The following BMPR1A variants were observed in gnomAD, a reference collection of about 807,000 sequenced individuals.
BMPR1A encodes the protein bone morphogenetic protein receptor type 1A.
BMPR1A carries 7 observed loss-of-function variants against 66.0 expected under a neutral mutation model. The ratio of observed to expected loss-of-function variants is 0.11; its 90% CI spans 0.06 to 0.20. The LOEUF is 0.20. BMPR1A is among the 10% of genes least tolerant of loss of function. The probability of loss-of-function intolerance (pLI) is 1.00; values close to 1 mark genes in which losing one functional copy is unlikely to be tolerated. For synonymous variants in BMPR1A, 200 were observed against 229.7 expected (o/e 0.87, Z 1.17); for missense variants, 408 against 669.1 (o/e 0.61, Z 4.31).
At chr10:86,854,899 A>G in intron 2 of BMPR1A, 1 of 222,622 alleles carries the variant, frequency 4.5e-6, no homozygotes, top group African/African-American at 2.3e-5. Context: ...TCTGGGTCTG[A>G]GATTATGTCA....
intron 1 of BMPR1A, among the ~76,000 whole-genome samples, chr10:86,815,293 T>C (rs1842021079): frequency 6.6e-6 from 1 of 152,222 alleles, no homozygotes; most frequent in African/African-American, 2.4e-5. Context: ...CTCACTTTTA[T>C]GTGGGCCTCC....
rs186155365 is a variant in BMPR1A at position 86,807,808 on chromosome 10, C to T, written c.-267-31057C>T. ...TTGAGACGGAGTTGCACTCTGTTGC[C>T]CAGGCTGGAGTGCAGTGGCACTGTC... On this transcript the variant is annotated intron_variant, in intron 1 of 12. Coordinates refer to ENST00000372037, the MANE Select transcript of BMPR1A (RefSeq NM_004329.3). Among the ~76,000 whole-genome samples, 16 of 152,264 alleles carry T rather than the reference C, an allele frequency of 1.1e-4. 1 individual carries two copies. Among genetic ancestry groups the T allele is most frequent in the Admixed American group, 9.8e-4 (15 of 15,286 alleles).
chr10:86,923,262 T>A (rs1190081597), intron 11 of BMPR1A, 114 bp from the exon 12 acceptor site: 1 of 1,425,222 alleles, frequency 7.0e-7, no homozygotes, highest in African/African-American at 1.4e-5. Flanking sequence ...TGTCTATATT[T>A]TTTCTTGTGT....
At chr10:86,912,440 A>C in intron 8 of BMPR1A, 56 bp downstream of exon 8, 1 of 1,576,792 alleles carries the variant, frequency 6.3e-7, no homozygotes, top group Non-Finnish European at 8.7e-7. Context: ...ATGTGTCCTC[A>C]TGATGGTGGA....
At chr10:86,806,139 A>G (rs911833545) in intron 1 of BMPR1A, among the ~76,000 whole-genome samples, 1 of 152,202 alleles carries the variant, frequency 6.6e-6, no homozygotes, top group African/African-American at 2.4e-5. Flanking sequence ...ATCTCTGGCC[A>G]GAAGTCTACA....
Position 86,763,381 on chromosome 10 carries a change from G to A in BMPR1A, c.-268+6462G>A, listed in dbSNP as rs4933408. Among the ~76,000 whole-genome samples the A allele has an allele frequency of 0.054, 8,212 of 152,010 alleles. 350 individuals carry two copies. Among genetic ancestry groups the A allele is most frequent in the Non-Finnish European group, 0.074 (5,038 of 67,998 alleles). ...TACTACTGAGTACCTATTCAATCAC[G>A]GATGCCACACTAACCCAATCCGAAT... On this transcript the variant is annotated intron_variant, in intron 1 of 12. Transcript: ENST00000372037.
intron 1 of BMPR1A, among the ~76,000 whole-genome samples, chr10:86,801,936 G>A (rs371921329): frequency 1.3e-5 from 2 of 151,890 alleles, no homozygotes; most frequent in Admixed American, 6.6e-5. Flanking sequence ...GGATGGTCTC[G>A]ATCTCCTGAC....
At chr10:86,848,954 ACTT>A (rs1269769965) in intron 2 of BMPR1A, among the ~76,000 whole-genome samples, 1 of 152,036 alleles carries the variant, frequency 6.6e-6, no homozygotes, top group Admixed American at 6.6e-5. Flanking sequence ...TGGGATGGTT[ACTT>A]CTTGTGTGAA....
chr10:86,781,845 A>G (rs973748799), intron 1 of BMPR1A, among the ~76,000 whole-genome samples: 6 of 143,432 alleles, frequency 4.2e-5, no homozygotes, highest in African/African-American at 1.3e-4. Flanking sequence ...TTTGTAGCAT[A>G]TGACAGGATT....
intron 2 of BMPR1A, among the ~76,000 whole-genome samples, chr10:86,839,414 G>A (rs750314509): frequency 2.9e-4 from 44 of 151,880 alleles, no homozygotes; most frequent in Non-Finnish European, 5.3e-4. Flanking sequence ...CCAACATGGC[G>A]AAATCTCGTC....
At position 86,870,547 on chromosome 10, in the gene BMPR1A, C is replaced by G. The variant is rs137961679; in HGVS notation, c.-152-5320C>G. ...AAGAGATCCTCCCACCTCAGCCTCC[C>G]TAGTGTCTGGGACTACAGGTATGCA... On this transcript the variant is annotated intron_variant, in intron 2 of 12. Coordinates refer to ENST00000372037, the MANE Select transcript of BMPR1A (RefSeq NM_004329.3). 1.1e-4 allele frequency among the ~76,000 whole-genome samples: 17 copies of G among 152,252 alleles called. No homozygotes were observed. In the East Asian group the frequency reaches 3.3e-3, roughly 29 times the overall value.
chr10:86,810,224 A>C (rs943720805), intron 1 of BMPR1A, among the ~76,000 whole-genome samples: 2 of 151,490 alleles, frequency 1.3e-5, no homozygotes, highest in African/African-American at 4.8e-5. Context: ...CAGGTGATCC[A>C]CCCGCCTCAG....
intron 1 of BMPR1A, among the ~76,000 whole-genome samples, chr10:86,807,583 A>G (rs540820283): frequency 1.3e-5 from 2 of 151,674 alleles, no homozygotes; most frequent in Admixed American, 1.3e-4. Flanking sequence ...GAGTCTTGCT[A>G]TGTTGGCTAG....
At chr10:86,839,133 T>C (rs1269135520) in intron 2 of BMPR1A, among the ~76,000 whole-genome samples, 154 bp downstream of exon 2, 1 of 152,238 alleles carries the variant, frequency 6.6e-6, no homozygotes, top group South Asian at 2.1e-4. Flanking sequence ...CTTAATCATC[T>C]TCCTGACGAG....
chr10:86,756,076 C>G (rs1847853601), upstream of BMPR1A: 1 of 152,408 alleles, frequency 6.6e-6, no homozygotes, highest in African/African-American at 2.4e-5. Flanking sequence ...GACCTTATTT[C>G]ACGCCAGCTG....
chr10:86,838,840 A>G (rs1842388608), intron 1 of BMPR1A, 25 bp from the exon 2 acceptor site: 1 of 152,180 alleles, frequency 6.6e-6, no homozygotes, highest in Non-Finnish European at 1.5e-5. Flanking sequence ...TAAGTCTTAA[A>G]TAAGTTCTTT....
At chr10:86,777,149 A>G (rs1051965726) in intron 1 of BMPR1A, among the ~76,000 whole-genome samples, 5 of 152,158 alleles carry the variant, frequency 3.3e-5, no homozygotes, top group Admixed American at 6.5e-5. Context: ...GTTCAGTTGC[A>G]AATATTCTCA....
chr10:86,841,763 GT>G (rs1564700609), intron 2 of BMPR1A, among the ~76,000 whole-genome samples: 1 of 152,136 alleles, frequency 6.6e-6, no homozygotes, highest in Non-Finnish European at 1.5e-5. Flanking sequence ...AGAACTTTCA[GT>G]TCCCGCCCCC....
rs1008377746 is a variant in BMPR1A at position 86,764,593 on chromosome 10, A to G, written c.-268+7674A>G. ...TTCCCTGTTTTCTTATTTGCTTACA[A>G]TAGAAAATCCAGAATATCTTGGACT... On this transcript the variant is annotated intron_variant, in intron 1 of 12. Coordinates refer to ENST00000372037, the MANE Select transcript of BMPR1A (RefSeq NM_004329.3). Among the ~76,000 whole-genome samples the G allele has an allele frequency of 4.6e-5, 7 of 152,336 alleles. No individual in the cohort carries two copies. In the East Asian group the frequency reaches 5.8e-4, roughly 13 times the overall value.
Sources: allele counts gnomAD v4.1 joint callset (sites outside exome capture counted in the v4.1 genomes callset), GRCh38; gene constraint gnomAD v4.1.1; transcripts MANE v1.5; gene names NCBI Gene and HGNC (gene_info 2026-07-23, HGNC 2026-07-21).